Variants in SBF2 observed in about 807,000 individuals in gnomAD.
The protein encoded by SBF2 is SET binding factor 2, also known as myotubularin-related protein 13.
In SBF2, 112 loss-of-function variants were observed where a neutral mutation model predicts 225.2. That is an observed-to-expected ratio of 0.50 (90% CI 0.43 to 0.58). The LOEUF is 0.58. SBF2 is among the 20% of genes least tolerant of loss of function. The pLI, the probability that SBF2 is intolerant of heterozygous loss-of-function variation, is 0.00. For synonymous variants in SBF2, 763 were observed against 773.3 expected (o/e 0.99, Z 0.22); for missense variants, 1,996 against 2,206.2 (o/e 0.90, Z 1.91).
intron 1 of SBF2, among the ~76,000 whole-genome samples, chr11:10,234,710 A>G (rs962717877): frequency 1.3e-5 from 2 of 152,234 alleles, no homozygotes; most frequent in Non-Finnish European, 2.9e-5. Flanking sequence ...CTTCAAAATT[A>G]TCTTCAAATT....
intron 17 of SBF2, among the ~76,000 whole-genome samples, chr11:9,876,722 A>T (rs1859278255): frequency 6.6e-6 from 1 of 152,156 alleles, no homozygotes; most frequent in Non-Finnish European, 1.5e-5. Context: ...GCAGACTATG[A>T]CACTATCTTA....
chr11:9,957,110 A>T (rs928770759), intron 16 of SBF2: 1 of 152,228 alleles, frequency 6.6e-6, no homozygotes, highest in African/African-American at 2.4e-5. Flanking sequence ...TGTCAGTAAC[A>T]TGCTCAAGTT....
intron 2 of SBF2, among the ~76,000 whole-genome samples, chr11:10,076,723 G>C (rs1951130073): frequency 6.6e-6 from 1 of 152,220 alleles, no homozygotes; most frequent in African/African-American, 2.4e-5. Context: ...CTAGGCTGTG[G>C]AACCAAAACT....
At chr11:10,159,929 T>C (rs1955657205) in intron 2 of SBF2, among the ~76,000 whole-genome samples, 1 of 151,682 alleles carries the variant, frequency 6.6e-6, no homozygotes, top group African/African-American at 2.4e-5. Flanking sequence ...TTGGGGAGAC[T>C]GATTTGAGTA....
chr11:10,196,483 G>A lies in SBF2; in HGVS notation c.56-2496C>T, dbSNP rs1032605939. Among the ~76,000 whole-genome samples the A allele has an allele frequency of 4.6e-5, 7 of 151,992 alleles. No homozygotes were observed. The East Asian group carries it at 7.8e-4, about 17-fold the overall frequency. On this transcript the variant is annotated intron_variant, in intron 1 of 39. Coordinates refer to ENST00000256190, the MANE Select transcript of SBF2 (RefSeq NM_030962.4). ...CAGCCTTGACCTCCCAGACTCAAGC[G>A]ATCCTCCTACCTCAGCCTCCAAGTA...
At chr11:9,826,907 C>T (rs995935254) in intron 28 of SBF2, among the ~76,000 whole-genome samples, 2 of 151,884 alleles carry the variant, frequency 1.3e-5, no homozygotes, top group African/African-American at 4.8e-5. Context: ...CTCTGCCTCC[C>T]GGTCTATGCA....
At chr11:9,864,225 A>C (rs899669111) in intron 17 of SBF2, among the ~76,000 whole-genome samples, 1 of 152,182 alleles carries the variant, frequency 6.6e-6, no homozygotes, top group South Asian at 2.1e-4. Flanking sequence ...CTCAGATTGA[A>C]CAGTACAAGT....
At chr11:9,839,887 C>G in intron 25 of SBF2, among the ~76,000 whole-genome samples, 191 bp from the exon 26 acceptor site, 1 of 152,222 alleles carries the variant, frequency 6.6e-6, no homozygotes, top group South Asian at 2.1e-4. Context: ...TCATCTGAAA[C>G]TGGGATGGTA....
intron 2 of SBF2, among the ~76,000 whole-genome samples, chr11:10,085,968 A>AC (rs71453947): frequency 1.4e-5 from 1 of 69,446 alleles, no homozygotes; most frequent in African/African-American, 5.9e-5. Context: ...CCTTCCCCCC[A>AC]CCCCCCACCC....
At chr11:10,090,483 C>T (rs186851370) in intron 2 of SBF2, among the ~76,000 whole-genome samples, 20 of 152,116 alleles carry the variant, frequency 1.3e-4, no homozygotes, top group East Asian at 1.2e-3. Flanking sequence ...AACTATTAGA[C>T]GCTGGGCGCA....
chr11:9,959,057 C>T, intron 16 of SBF2: 7 of 1,502,348 alleles, frequency 4.7e-6, no homozygotes, highest in Non-Finnish European at 6.4e-6. Context: ...GTATGGCAGC[C>T]TGCACCATTC....
At chr11:10,251,142 T>C (rs538942994) in intron 1 of SBF2, among the ~76,000 whole-genome samples, 64 of 152,280 alleles carry the variant, frequency 4.2e-4, no homozygotes, top group South Asian at 6.2e-4. Context: ...TATACTTTGG[T>C]AGATAAAAGA....
At position 9,880,102 on chromosome 11, in the gene SBF2, AAAAAAAAAAG is replaced by A. The variant is rs1213464938; in HGVS notation, c.1929+15831_1929+15840del. Among the ~76,000 whole-genome samples, 22 of 124,266 alleles carry A rather than the reference AAAAAAAAAAG, an allele frequency of 1.8e-4. 1 individual carries two copies. Among genetic ancestry groups the A allele is most frequent in the East Asian group, 2.9e-4 (1 of 3,426 alleles). The allele number at this position is 124,266 out of a possible 152,430, so 81.5% of individuals were successfully genotyped here. ...TGTCTCATAAAAAAAAAAAAAAAAA[AAAAAAAAAAG>A]ATCTCAGGATGAGCCAAGATTCAAA... is the stretch of plus-strand genomic sequence containing the variant. On this transcript the variant is annotated intron_variant, in intron 17 of 39. Transcript: ENST00000256190.
chr11:9,870,546 G>C (rs1858636678), intron 17 of SBF2, among the ~76,000 whole-genome samples: 1 of 152,126 alleles, frequency 6.6e-6, no homozygotes, highest in Non-Finnish European at 1.5e-5. Flanking sequence ...TCAGAAATAA[G>C]ACCACACACC....
chr11:10,172,294 T>G (rs370417633), intron 2 of SBF2, among the ~76,000 whole-genome samples: 6 of 152,310 alleles, frequency 3.9e-5, no homozygotes, highest in African/African-American at 1.4e-4. Flanking sequence ...CTCTTAATAC[T>G]GTTTTCACTA....
intron 2 of SBF2, among the ~76,000 whole-genome samples, 153 bp downstream of exon 2, chr11:10,193,749 G>T (rs1957269104): frequency 3.3e-5 from 5 of 152,140 alleles, no homozygotes; most frequent in Admixed American, 3.3e-4. Context: ...GTACTTGAGG[G>T]ACTAGGAGGG....
intron 1 of SBF2, among the ~76,000 whole-genome samples, chr11:10,196,862 A>AT (rs1208099879): frequency 0.18 from 3,994 of 21,750 alleles, 127 homozygotes; most frequent in Non-Finnish European, 0.28. Flanking sequence ...ATATATATAT[A>AT]TATATTTTTT....
rs73410819 is a variant in SBF2 at position 10,029,748 on chromosome 11, C to G, written c.513+17G>C. The G allele has an allele frequency of 6.5e-3, 9,758 of 1,499,248 alleles. 92 individuals are homozygous for G. The highest frequency in any genetic ancestry group is 0.038 in the African/African-American group (2,729 of 72,622). The allele number at this position is 1,499,248 out of a possible 1,614,324, so 92.9% of individuals were successfully genotyped here. On this transcript the variant is annotated intron_variant, in intron 5 of 39. Coordinates refer to ENST00000256190, the MANE Select transcript of SBF2 (RefSeq NM_030962.4). ...AGAGGAACAATCCTTCTCCACCTCT[C>G]TTTCTATTCTATTTACCTGAGACCC...
intron 16 of SBF2, among the ~76,000 whole-genome samples, chr11:9,933,765 C>T (rs1467757431): frequency 6.6e-6 from 1 of 151,956 alleles, no homozygotes; most frequent in African/African-American, 2.4e-5. Context: ...GAAGCAAGAG[C>T]AAACAAATTC....
Sources: gnomAD v4.1 joint callset for allele counts (sites outside exome capture counted in the v4.1 genomes callset) on GRCh38, gnomAD v4.1.1 for gene constraint, MANE v1.5 for transcripts, NCBI Gene and HGNC (gene_info 2026-07-23, HGNC 2026-07-21) for gene names.